Variants in ST8SIA2 observed in about 807,000 individuals in gnomAD.
ST8SIA2 encodes ST8 alpha-N-acetyl-neuraminide alpha-2,8-sialyltransferase 2.
A neutral mutation model predicts 37.6 loss-of-function variants in ST8SIA2; 22 were observed. The observed-to-expected ratio is 0.58, with a 90% CI of 0.42 to 0.83. The LOEUF is 0.83. ST8SIA2 is among the 40% of genes least tolerant of loss of function. The pLI, the probability that ST8SIA2 is intolerant of heterozygous loss-of-function variation, is 0.00. For synonymous variants in ST8SIA2, 205 were observed against 201.2 expected (o/e 1.02, Z -0.16); for missense variants, 382 against 484.7 (o/e 0.79, Z 1.99).
chr15:92,398,139 A>G (rs1471417363), intron 1 of ST8SIA2, among the ~76,000 whole-genome samples: 1 of 152,234 alleles, frequency 6.6e-6, no homozygotes, highest in Non-Finnish European at 1.5e-5. Context: ...ATCTCAAAAA[A>G]AGAAAAAAGA....
chr15:92,447,382 A>T (rs985496392), intron 5 of ST8SIA2, among the ~76,000 whole-genome samples: 4 of 152,210 alleles, frequency 2.6e-5, no homozygotes, highest in African/African-American at 9.7e-5. Context: ...TTTCTTGAGC[A>T]TACGAAGTGT....
In ST8SIA2 at chr15:92,434,499, G is replaced by A. The variant is rs1329829214; in HGVS notation, c.290+124G>A. On this transcript the variant is annotated intron_variant, in intron 3 of 5. Transcript: ENST00000268164. ...AAAATGTTTACCTCCCACTGAGGCA[G>A]GTTTCATCTGTAAGTGATCAATCGG... 3.6e-6 allele frequency: 5 copies of A among 1,408,220 alleles called. No homozygotes were observed. The East Asian group carries it at 9.4e-5, about 26-fold the overall frequency. 87.2% of individuals were successfully genotyped at this position (1,408,220 alleles called of 1,614,324 possible).
At chr15:92,447,811 C>A (rs910489699) in intron 5 of ST8SIA2, among the ~76,000 whole-genome samples, 1 of 152,206 alleles carries the variant, frequency 6.6e-6, no homozygotes, top group Admixed American at 6.5e-5. Flanking sequence ...GGGCTACATA[C>A]TTTATCCTAG....
At position 92,433,113 on chromosome 15, in the gene ST8SIA2, G is replaced by C. The variant is rs533963932; in HGVS notation, c.162-1134G>C. 1.3e-3 allele frequency among the ~76,000 whole-genome samples: 198 copies of C among 151,448 alleles called. 1 individual carries two copies. Among genetic ancestry groups the C allele is most frequent in the African/African-American group, 4.7e-3 (194 of 41,232 alleles). ...CCACTGCACCCCAGCCTGGGTGACA[G>C]AGCCCGCCTCTGTCTCCAAAAAAAA... is the stretch of plus-strand genomic sequence containing the variant. On this transcript the variant is annotated intron_variant, in intron 2 of 5. Transcript: ENST00000268164.
intron 1 of ST8SIA2, among the ~76,000 whole-genome samples, chr15:92,413,076 T>C (rs1186969406): frequency 6.6e-6 from 1 of 152,124 alleles, no homozygotes; most frequent in East Asian, 1.9e-4. Context: ...GTTTGTTTCA[T>C]GTCCCCAAAT....
chr15:92,443,528 A>G, intron 4 of ST8SIA2, among the ~76,000 whole-genome samples: 1 of 152,130 alleles, frequency 6.6e-6, no homozygotes, highest in East Asian at 1.9e-4. Flanking sequence ...TTGCTTTCTA[A>G]TCGTGGCCAA....
intron 1 of ST8SIA2, among the ~76,000 whole-genome samples, chr15:92,405,334 G>A (rs2049500107): frequency 6.6e-6 from 1 of 152,200 alleles, no homozygotes; most frequent in South Asian, 2.1e-4. Flanking sequence ...GAAGGAGAAG[G>A]GGAATTTGTT....
chr15:92,434,428 G>A (rs1047164208), intron 3 of ST8SIA2, 53 bp downstream of exon 3: 13 of 1,612,568 alleles, frequency 8.1e-6, no homozygotes, highest in South Asian at 3.3e-5. Context: ...GAGCATACAC[G>A]GGCAAATTGC....
chr15:92,426,827 G>A (rs142144267), intron 1 of ST8SIA2, among the ~76,000 whole-genome samples: 23 of 152,324 alleles, frequency 1.5e-4, no homozygotes, highest in African/African-American at 5.1e-4. Context: ...GATGGCTCAC[G>A]CTTGTAATCC....
At chr15:92,455,305 T>A (rs774469075) in intron 5 of ST8SIA2, among the ~76,000 whole-genome samples, 1 of 152,144 alleles carries the variant, frequency 6.6e-6, no homozygotes, top group Non-Finnish European at 1.5e-5. Flanking sequence ...GAGGGACGTC[T>A]GTGATATTAA....
At chr15:92,460,993 G>A (rs1349972729) in intron 5 of ST8SIA2, among the ~76,000 whole-genome samples, 2 of 152,196 alleles carry the variant, frequency 1.3e-5, no homozygotes, top group African/African-American at 4.8e-5. Flanking sequence ...GTGATACAGA[G>A]GGAAGGGAGG....
intron 1 of ST8SIA2, among the ~76,000 whole-genome samples, chr15:92,420,313 G>A (rs941342165): frequency 5.3e-5 from 8 of 152,118 alleles, no homozygotes; most frequent in South Asian, 2.1e-4. Flanking sequence ...TCCCCCCGCC[G>A]GTTATAGGTG....
chr15:92,433,616 C>T (rs2049732732), intron 2 of ST8SIA2, among the ~76,000 whole-genome samples: 1 of 152,218 alleles, frequency 6.6e-6, no homozygotes, highest in South Asian at 2.1e-4. Context: ...TTCAACAATA[C>T]TTATTTATTG....
At chr15:92,448,676 C>T (rs1342930941) in intron 5 of ST8SIA2, among the ~76,000 whole-genome samples, 1 of 152,182 alleles carries the variant, frequency 6.6e-6, no homozygotes, top group Non-Finnish European at 1.5e-5. Flanking sequence ...CCACCTGCCA[C>T]TTGGAGAGCT....
intron 5 of ST8SIA2, among the ~76,000 whole-genome samples, chr15:92,449,900 C>A (rs112450503): frequency 5.9e-5 from 9 of 152,166 alleles, no homozygotes; most frequent in Admixed American, 6.5e-5. Context: ...GGATATTAGA[C>A]CTTTGTCGGA....
intron 4 of ST8SIA2, 73 bp downstream of exon 4, chr15:92,438,683 G>T: frequency 1.3e-6 from 2 of 1,482,708 alleles, no homozygotes; most frequent in Non-Finnish European, 1.8e-6. Context: ...ATTGCCAGCT[G>T]TCCCAAGAGA....
At chr15:92,400,485 CT>C (rs573265059) in intron 1 of ST8SIA2, among the ~76,000 whole-genome samples, 44 of 152,314 alleles carry the variant, frequency 2.9e-4, no homozygotes, top group Non-Finnish European at 5.1e-4. Flanking sequence ...AAGCCCCCTG[CT>C]TTTCCTGTGT....
intron 2 of ST8SIA2, among the ~76,000 whole-genome samples, chr15:92,433,633 C>G (rs1411052435): frequency 6.6e-6 from 1 of 152,162 alleles, no homozygotes; most frequent in South Asian, 2.1e-4. Flanking sequence ...ATTGAGCACC[C>G]GCTATGTTAG....
rs565006569 is a variant in ST8SIA2, at chr15:92,467,114, C to T, written c.*2729C>T. 103 of 153,078 alleles carry T rather than the reference C, an allele frequency of 6.7e-4. No individual in the cohort carries two copies. The highest frequency in any genetic ancestry group is 1.8e-3 in the African/African-American group (73 of 41,554). The allele number at this position is 153,078 out of a possible 1,614,324, so 9.5% of individuals were successfully genotyped here. A position where few individuals can be genotyped will look rare whatever the true frequency, so the allele number is the denominator to read the frequency against. On this transcript the variant is annotated 3_prime_UTR_variant, in exon 6 of 6. Transcript: ENST00000268164. ...CCGCCATCAGCCACCCGAGTGGTTC[C>T]GACCTCCATTCACCTCAAGCCCCAA... is the stretch of plus-strand genomic sequence containing the variant.
Sources: gnomAD v4.1 joint callset for allele counts (sites outside exome capture counted in the v4.1 genomes callset) on GRCh38, gnomAD v4.1.1 for gene constraint, MANE v1.5 for transcripts, NCBI Gene and HGNC (gene_info 2026-07-23, HGNC 2026-07-21) for gene names.